Variants in MED13L observed in about 807,000 individuals in gnomAD.
MED13L encodes mediator complex subunit 13L, also known as mediator of RNA polymerase II transcription subunit 13-like.
In MED13L, 7 loss-of-function variants were observed where a neutral mutation model predicts 220.9. That is an observed-to-expected ratio of 0.03 (90% confidence interval 0.02 to 0.06). The LOEUF (loss-of-function observed/expected upper bound fraction) is 0.06, where lower values mean the gene tolerates loss of function less well. Ranked by LOEUF, MED13L falls within the 10% of genes least tolerant of loss-of-function variation. MED13L has a pLI of 1.00. For missense variants in MED13L, 1,965 were observed against 2,760.5 expected (o/e 0.71, Z 6.46); for synonymous variants, 1,011 against 1,015.2 (o/e 1.00, Z 0.08).
chr12:116,003,245 G>A, intron 13 of MED13L, 143 bp from the exon 14 acceptor site: 1 of 714,240 alleles, frequency 1.4e-6, no homozygotes, highest in Non-Finnish European at 2.5e-6. Flanking sequence ...CCAACAGATA[G>A]TGAAACAAAG....
intron 2 of MED13L, among the ~76,000 whole-genome samples, chr12:116,220,200 T>C (rs919190085): frequency 6.6e-6 from 1 of 152,162 alleles, no homozygotes; most frequent in Non-Finnish European, 1.5e-5. Context: ...TAAACTAATC[T>C]TTTCACAAAA....
rs778049221 is a variant in MED13L, at chr12:115,983,241, C to T, written c.4831G>A (p.Val1611Ile). Residue 1611 changes from valine to isoleucine, a missense_variant, in exon 21 of 31, where the codon GTT (valine) becomes ATT (isoleucine). Coordinates refer to ENST00000281928, the MANE Select transcript of MED13L (RefSeq NM_015335.5). Reference protein sequence around the residue: ...TTSSSGFSGSVGGQNPSTGGI... With the variant: ...TTSSSGFSGSIGGQNPSTGGI... ...CCAGTGCTGGGGTTCTGCCCTCCAA[C>T]ACTACCACTGAATCCTGAAGAAGAG... 16 of 1,614,190 alleles carry T rather than the reference C, an allele frequency of 9.9e-6. No individual in the cohort carries two copies. The highest frequency in any genetic ancestry group is 1.6e-4 in the Middle Eastern group (1 of 6,062).
At chr12:116,101,487 T>C (rs932307891) in intron 3 of MED13L, among the ~76,000 whole-genome samples, 5 of 152,226 alleles carry the variant, frequency 3.3e-5, no homozygotes, top group Admixed American at 1.3e-4. Flanking sequence ...TGTACTGTTA[T>C]TTGAATTTTC....
chr12:116,276,716 G>GA (rs77147524), intron 1 of MED13L: 11 of 637,828 alleles, frequency 1.7e-5, no homozygotes, highest in Admixed American at 8.3e-5. Context: ...TTTACGGGGG[G>GA]AAAAAAAGGG....
chr12:116,207,793 A>G (rs1882445150), intron 2 of MED13L, among the ~76,000 whole-genome samples: 1 of 152,146 alleles, frequency 6.6e-6, no homozygotes, highest in Non-Finnish European at 1.5e-5. Context: ...AGAAAAAAAA[A>G]AAGACATGCG....
At chr12:116,171,145 G>A (rs1879656147) in intron 2 of MED13L, among the ~76,000 whole-genome samples, 4 of 152,158 alleles carry the variant, frequency 2.6e-5, no homozygotes, top group South Asian at 2.1e-4. Flanking sequence ...CGAAACGGTC[G>A]AAAAGACCCA....
intron 4 of MED13L, among the ~76,000 whole-genome samples, chr12:116,056,088 A>G (rs563834957): frequency 5.5e-4 from 83 of 151,958 alleles, no homozygotes; most frequent in African/African-American, 1.9e-3. Flanking sequence ...CTGGCAGCCC[A>G]AAGGTAAGTT....
chr12:116,266,825 C>T (rs1237386281), intron 1 of MED13L, among the ~76,000 whole-genome samples: 1 of 152,158 alleles, frequency 6.6e-6, no homozygotes, highest in Non-Finnish European at 1.5e-5. Context: ...TTCAACATGA[C>T]TAATACAAAC....
Position 115,984,319 on chromosome 12 carries a change from G to A in MED13L, c.4392C>T (p.Ile1464=). Residue 1464 remains isoleucine, a synonymous_variant, in exon 20 of 31, where the codon ATC becomes ATT. Transcript: ENST00000281928. ...KPICKVLRDG[I]MRVGKTVAQK... ...GTGCCACAGTTTTTCCCACGCGCAT[G>A]ATCCCGTCACGTAGCACTTTGCAGA... 6.2e-7 allele frequency: 1 copy of A among 1,614,100 alleles called. No individual in the cohort carries two copies. Among genetic ancestry groups the A allele is most frequent in the Non-Finnish European group, 8.5e-7 (1 of 1,180,002 alleles).
intron 2 of MED13L, among the ~76,000 whole-genome samples, chr12:116,123,353 T>C (rs746106817): frequency 7.9e-5 from 12 of 152,090 alleles, no homozygotes; most frequent in Non-Finnish European, 1.6e-4. Flanking sequence ...CAAGATAAAT[T>C]TTGAGACGGA....
chr12:115,966,059 TTC>T, intron 29 of MED13L, 21 bp downstream of exon 29: 1 of 1,613,536 alleles, frequency 6.2e-7, no homozygotes, highest in Non-Finnish European at 8.5e-7. Flanking sequence ...CCTTGCAAAC[TTC>T]TAATATGACA....
chr12:116,150,702 T>G (rs1188148749), intron 2 of MED13L, among the ~76,000 whole-genome samples: 1 of 152,208 alleles, frequency 6.6e-6, no homozygotes, highest in Non-Finnish European at 1.5e-5. Flanking sequence ...TATTATCTGT[T>G]TGTACAGCTC....
intron 4 of MED13L, among the ~76,000 whole-genome samples, chr12:116,083,132 C>T (rs957952613): frequency 6.6e-6 from 1 of 152,058 alleles, no homozygotes; most frequent in Non-Finnish European, 1.5e-5. Flanking sequence ...GCAGGCCAGG[C>T]GTGGTGGCTC....
In MED13L at chr12:116,266,617, T is replaced by C. The variant is rs143770592; in HGVS notation, c.72+10443A>G. The stretch of plus-strand genomic sequence containing the variant: ...ATTCCCACAAAAATGCTGCTATAAA[T>C]AGCATTTGAGTTTTATAATAGACCT... On this transcript the variant is annotated intron_variant, in intron 1 of 30. Coordinates refer to ENST00000281928, the MANE Select transcript of MED13L (RefSeq NM_015335.5). 2.2e-3 allele frequency among the ~76,000 whole-genome samples: 335 copies of C among 152,294 alleles called. 1 individual carries two copies. Among genetic ancestry groups the C allele is most frequent in the African/African-American group, 7.8e-3 (323 of 41,554 alleles).
chr12:116,023,856 A>G (rs1409107489), intron 4 of MED13L, among the ~76,000 whole-genome samples: 5 of 152,240 alleles, frequency 3.3e-5, no homozygotes, highest in African/African-American at 9.6e-5. Flanking sequence ...GCAAAAATGC[A>G]CATAATTTGA....
At chr12:116,258,777 G>GAAA (rs558738933) in intron 1 of MED13L, among the ~76,000 whole-genome samples, 2 of 56,094 alleles carry the variant, frequency 3.6e-5, no homozygotes, top group African/African-American at 6.1e-5. Context: ...CTCCATCTCA[G>GAAA]AAAAAAAAAA....
At chr12:116,101,855 A>C (rs1321721385) in intron 3 of MED13L, among the ~76,000 whole-genome samples, 5 of 152,212 alleles carry the variant, frequency 3.3e-5, no homozygotes, top group African/African-American at 1.2e-4. Context: ...GTTTCAAATC[A>C]ATATCATCAT....
At chr12:116,252,500 C>A (rs1475643111) in intron 1 of MED13L, among the ~76,000 whole-genome samples, 1 of 152,050 alleles carries the variant, frequency 6.6e-6, no homozygotes, top group Non-Finnish European at 1.5e-5. Context: ...GATTGCTCCA[C>A]TGCACATCAG....
intron 4 of MED13L, among the ~76,000 whole-genome samples, chr12:116,087,202 A>C (rs1565870687): frequency 6.6e-6 from 1 of 152,176 alleles, no homozygotes; most frequent in Non-Finnish European, 1.5e-5. Context: ...CAATAACCAG[A>C]TGTTAGGTTC....
Sources: gnomAD v4.1 joint callset for allele counts (sites outside exome capture counted in the v4.1 genomes callset) on GRCh38, gnomAD v4.1.1 for gene constraint, MANE v1.5 for transcripts, NCBI Gene and HGNC (gene_info 2026-07-23, HGNC 2026-07-21) for gene names.